RBM47: variants seen among roughly 807,000 people sequenced by gnomAD.
RBM47 encodes RNA binding motif protein 47.
A neutral mutation model predicts 47.1 loss-of-function variants in RBM47; 21 were observed. That is an observed-to-expected ratio of 0.45 (90% CI 0.32 to 0.64). The LOEUF (loss-of-function observed/expected upper bound fraction) is 0.64. Ranked by LOEUF, RBM47 falls within the 30% of genes least tolerant of loss-of-function variation. The probability of loss-of-function intolerance (pLI) is 0.05; values close to 1 mark genes in which losing one functional copy is unlikely to be tolerated. For synonymous variants in RBM47, 375 were observed against 361.7 expected, an observed-to-expected ratio of 1.04 and a Z score of -0.42; for missense variants, 708 against 870.9, an observed-to-expected ratio of 0.81 and a Z score of 2.35.
At chr4:40,618,162 A>C (rs929937470) in intron 1 of RBM47, among the ~76,000 whole-genome samples, 1 of 152,080 alleles carries the variant, frequency 6.6e-6, no homozygotes, top group African/African-American at 2.4e-5. Context: ...GGATCACCTG[A>C]GCCCAGGGAG....
chr4:40,598,783 G>A (rs182882893), intron 1 of RBM47, among the ~76,000 whole-genome samples: 1 of 149,328 alleles, frequency 6.7e-6, no homozygotes, highest in East Asian at 2.0e-4. Context: ...GTGTCCATCT[G>A]TCCTCTGCTC....
At chr4:40,549,236 C>T (rs1358065444) in intron 1 of RBM47, among the ~76,000 whole-genome samples, 4 of 151,422 alleles carry the variant, frequency 2.6e-5, no homozygotes, top group African/African-American at 4.9e-5. Context: ...GAACTACAGG[C>T]ACGCACCACC....
In RBM47 at chr4:40,585,712, C is replaced by T. The variant is rs189977022; in HGVS notation, c.-239-41206G>A. Among the ~76,000 whole-genome samples, 6 of 152,286 alleles carry T rather than the reference C, an allele frequency of 3.9e-5. No individual in the cohort carries two copies. The East Asian group carries it at 7.7e-4, about 20-fold the overall frequency. ...AGGTGTTCCGGCACACGATCAAGCA[C>T]GGTTTATTAACCATGCCCCTGCTAT... On this transcript the variant is annotated intron_variant, in intron 1 of 6. Coordinates refer to ENST00000295971, the MANE Select transcript of RBM47 (RefSeq NM_001098634.2).
At chr4:40,483,788 TTAAG>T (rs1398909972) in intron 2 of RBM47, among the ~76,000 whole-genome samples, 2 of 152,236 alleles carry the variant, frequency 1.3e-5, no homozygotes, top group African/African-American at 4.8e-5. Context: ...TTAATAGTGA[TTAAG>T]TGTCACACTT....
At position 40,437,919 on chromosome 4, in the gene RBM47, C is replaced by T. The variant is rs376524282; in HGVS notation, c.975G>A (p.Ser325=). 156 of 1,613,742 alleles carry T rather than the reference C, an allele frequency of 9.7e-5. 1 individual carries two copies. Among genetic ancestry groups the T allele is most frequent in the South Asian group, 9.0e-4 (82 of 91,074 alleles). The change falls in exon 4 of 7, where the codon TCG becomes TCA. Residue 325 remains serine (S), a synonymous_variant. Transcript: ENST00000295971. Reference sequence around the variant, plus strand: ...CGCCCCTGGCTGCCTTCTGGTAGCGCGAGTACTGCTCCTTGTCCACGGGCT... The same window carrying T: ...CGCCCCTGGCTGCCTTCTGGTAGCGTGAGTACTGCTCCTTGTCCACGGGCT... ...LAKPVDKEQY[S]RYQKAARGGG...
rs1350143715 is a variant in RBM47 at position 40,628,560 on chromosome 4, C to T, written c.-240+836G>A. On this transcript the variant is annotated intron_variant, in intron 1 of 6. Coordinates refer to ENST00000295971, the MANE Select transcript of RBM47 (RefSeq NM_001098634.2). This position sits in a 1 kb window ranked among gnomAD's most constrained non-coding sequence, Gnocchi z 4.0. Reference sequence around the variant, plus strand: ...GTTGTCAACCCTTTGCTTTCCCTCCCCTGAGAAATTCGTATGACCTTGCCT... The same window carrying T: ...GTTGTCAACCCTTTGCTTTCCCTCCTCTGAGAAATTCGTATGACCTTGCCT... Among the ~76,000 whole-genome samples the T allele has an allele frequency of 6.6e-6, 1 of 152,182 alleles. No individual in the cohort carries two copies. The highest frequency in any genetic ancestry group is 2.4e-5 in the African/African-American group (1 of 41,438).
intron 2 of RBM47, among the ~76,000 whole-genome samples, chr4:40,469,545 T>C (rs1177918047): frequency 6.6e-6 from 1 of 151,886 alleles, no homozygotes; most frequent in African/African-American, 2.4e-5. Flanking sequence ...GCGATTCTCC[T>C]GTCTCAGCCT....
chr4:40,497,117 G>C (rs1241788757), intron 2 of RBM47, among the ~76,000 whole-genome samples: 1 of 151,700 alleles, frequency 6.6e-6, no homozygotes, highest in East Asian at 1.9e-4. Context: ...CCAAGACAAG[G>C]TACAGCAATT....
At chr4:40,565,887 AG>A (rs1223505404) in intron 1 of RBM47, among the ~76,000 whole-genome samples, 8 of 152,026 alleles carry the variant, frequency 5.3e-5, no homozygotes, top group African/African-American at 1.7e-4. Context: ...TGGGTAACAT[AG>A]GGAGACCCTG....
At chr4:40,605,618 G>C (rs960923902) in intron 1 of RBM47, among the ~76,000 whole-genome samples, 2 of 152,028 alleles carry the variant, frequency 1.3e-5, no homozygotes, top group African/African-American at 4.8e-5. Flanking sequence ...ATCACCTGAG[G>C]TTAGGAGTTT....
intron 2 of RBM47, among the ~76,000 whole-genome samples, chr4:40,536,342 G>A (rs1487866482): frequency 6.6e-6 from 1 of 152,150 alleles, no homozygotes; most frequent in African/African-American, 2.4e-5. Flanking sequence ...TGACTGGCTT[G>A]GAGACCTTGT....
At chr4:40,495,700 G>A (rs975023618) in intron 2 of RBM47, among the ~76,000 whole-genome samples, 5 of 152,166 alleles carry the variant, frequency 3.3e-5, no homozygotes, top group African/African-American at 1.2e-4. Flanking sequence ...CAGAAGAGTG[G>A]TGCTAATCTA....
chr4:40,441,946 C>A (rs1330967449), intron 3 of RBM47, among the ~76,000 whole-genome samples: 2 of 152,138 alleles, frequency 1.3e-5, no homozygotes, highest in South Asian at 4.1e-4. Context: ...ATGTTAGCGA[C>A]CCTGTTTTTA....
At chr4:40,456,158 A>G (rs187475606) in intron 3 of RBM47, among the ~76,000 whole-genome samples, 1 of 152,324 alleles carries the variant, frequency 6.6e-6, no homozygotes, top group East Asian at 1.9e-4. Flanking sequence ...CCTGCACGGG[A>G]GCTTTGTGCC....
At chr4:40,612,824 T>C (rs1560505596) in intron 1 of RBM47, among the ~76,000 whole-genome samples, 1 of 152,230 alleles carries the variant, frequency 6.6e-6, no homozygotes, top group African/African-American at 2.4e-5. Context: ...CCATGTCAAT[T>C]TGCAGAGGGA....
intron 1 of RBM47, among the ~76,000 whole-genome samples, chr4:40,564,400 C>T (rs1730906942): frequency 6.6e-6 from 1 of 152,230 alleles, no homozygotes; most frequent in South Asian, 2.1e-4. Flanking sequence ...AACCTGCACA[C>T]ACACATACCC....
chr4:40,459,428 T>TG lies in RBM47; in HGVS notation c.-32+7148dup, dbSNP rs1432010584. Among the ~76,000 whole-genome samples the TG allele has an allele frequency of 2.0e-5, 3 of 152,204 alleles. No homozygotes were observed. In the East Asian group the frequency reaches 5.8e-4, roughly 29 times the overall value. ...CTAAGTTTTGTGGGAGAGCCGTGCATGGGGGTGCATGCCTGAAATCCCAGC... is the reference window on the plus strand; with the variant it reads ...CTAAGTTTTGTGGGAGAGCCGTGCATGGGGGGTGCATGCCTGAAATCCCAGC... On this transcript the variant is annotated intron_variant, in intron 3 of 6. Transcript: ENST00000295971.
chr4:40,540,759 T>A (rs1247779728), intron 2 of RBM47, among the ~76,000 whole-genome samples: 1 of 149,700 alleles, frequency 6.7e-6, no homozygotes, highest in East Asian at 1.9e-4. Flanking sequence ...TCAGTTGGGT[T>A]TTTTAATTTA....
intron 1 of RBM47, among the ~76,000 whole-genome samples, chr4:40,561,543 TC>T (rs1730624888): frequency 2.1e-5 from 3 of 139,758 alleles, no homozygotes; most frequent in African/African-American, 5.8e-5. Flanking sequence ...CTTCTTCTTT[TC>T]TTTTTTTTTT....
Sources: gnomAD v4.1 joint callset for allele counts (sites outside exome capture counted in the v4.1 genomes callset) on GRCh38, gnomAD v4.1.1 for gene constraint, Gnocchi (gnomAD v3.1) non-coding constraint, MANE v1.5 for transcripts, NCBI Gene and HGNC (gene_info 2026-07-23, HGNC 2026-07-21) for gene names.